The following GREB1L variants were observed in gnomAD, a reference collection of about 807,000 sequenced individuals.
The protein encoded by GREB1L is GREB1-like protein.
In GREB1L, 17 loss-of-function variants were observed where a neutral mutation model predicts 200.8. The observed-to-expected ratio is 0.08, with a 90% CI of 0.06 to 0.13. GREB1L has a LOEUF of 0.13. Ranked by LOEUF, GREB1L falls within the 10% of genes least tolerant of loss-of-function variation. The pLI, the probability that GREB1L is intolerant of heterozygous loss-of-function variation, is 1.00. For synonymous variants in GREB1L, 789 were observed against 893.0 expected, an observed-to-expected ratio of 0.88 and a Z score of 2.08; for missense variants, 1,657 against 2,367.7, an observed-to-expected ratio of 0.70 and a Z score of 6.23.
At chr18:21,415,526 CAAGG>C (rs1299164749) in intron 7 of GREB1L, among the ~76,000 whole-genome samples, 4 of 147,198 alleles carry the variant, frequency 2.7e-5, no homozygotes, top group African/African-American at 1.0e-4. Flanking sequence ...AGGAAGGACA[CAAGG>C]AAGGAAGGAA....
intron 1 of GREB1L, among the ~76,000 whole-genome samples, chr18:21,325,176 T>A (rs1009699075): frequency 1.3e-5 from 2 of 152,224 alleles, no homozygotes; most frequent in East Asian, 1.9e-4. Context: ...CCAAGTCTTA[T>A]CTAATTCTGT....
intron 7 of GREB1L, among the ~76,000 whole-genome samples, chr18:21,438,754 C>T (rs1251092625): frequency 6.6e-6 from 1 of 151,058 alleles, no homozygotes; most frequent in Admixed American, 6.6e-5. Context: ...GTCAGGAGAT[C>T]GAGACCATCC....
intron 4 of GREB1L, among the ~76,000 whole-genome samples, chr18:21,386,163 T>A (rs1376877516): frequency 3.9e-5 from 6 of 152,364 alleles, no homozygotes; most frequent in Middle Eastern, 3.4e-3. Context: ...AGTCCTACAC[T>A]TAGATTCCTG....
chr18:21,493,456 C>T (rs187218773), intron 19 of GREB1L, among the ~76,000 whole-genome samples: 4 of 152,294 alleles, frequency 2.6e-5, no homozygotes, highest in Non-Finnish European at 5.9e-5. Flanking sequence ...CACAGGAGAA[C>T]TGCAGCCATC....
chr18:21,395,776 C>T (rs1268165007), intron 5 of GREB1L, among the ~76,000 whole-genome samples: 1 of 150,764 alleles, frequency 6.6e-6, no homozygotes, highest in East Asian at 1.9e-4. Context: ...ATCGCCCAGG[C>T]TGGAGTGCAA....
chr18:21,386,880 T>A (rs865943053), intron 4 of GREB1L, among the ~76,000 whole-genome samples: 68 of 152,248 alleles, frequency 4.5e-4, no homozygotes, highest in African/African-American at 1.6e-3. Flanking sequence ...AGTTCTGAAA[T>A]TTTCCTTATG....
At chr18:21,426,135 C>A (rs1015277404) in intron 7 of GREB1L, among the ~76,000 whole-genome samples, 1 of 151,028 alleles carries the variant, frequency 6.6e-6, no homozygotes, top group African/African-American at 2.4e-5. Flanking sequence ...CGGCTCACTG[C>A]AACCTCTGTG....
chr18:21,453,129 T>G (rs565108650), intron 14 of GREB1L, among the ~76,000 whole-genome samples: 1 of 152,382 alleles, frequency 6.6e-6, no homozygotes, highest in Non-Finnish European at 1.5e-5. Flanking sequence ...GACTTACAGA[T>G]TCCGGAGTAC....
rs1465837157 is a variant in GREB1L, at chr18:21,524,463, A to G, written c.*1642A>G. The G allele has an allele frequency of 1.3e-5, 2 of 152,228 alleles. No individual in the cohort carries two copies. The highest frequency in any genetic ancestry group is 2.4e-5 in the African/African-American group (1 of 41,466). 9.4% of individuals were successfully genotyped at this position (152,228 alleles called of 1,614,324 possible). On this transcript the variant is annotated 3_prime_UTR_variant, in exon 33 of 33. Coordinates refer to ENST00000424526, the MANE Select transcript of GREB1L (RefSeq NM_001142966.3). Reference sequence around the variant, plus strand: ...TTAAAAAATACTCCTTAATTTTAGTACAGCAGAATTTTTGGTAAAGAGGTA... The same window carrying G: ...TTAAAAAATACTCCTTAATTTTAGTGCAGCAGAATTTTTGGTAAAGAGGTA...
At chr18:21,432,495 A>G (rs1483070342) in intron 7 of GREB1L, among the ~76,000 whole-genome samples, 1 of 151,586 alleles carries the variant, frequency 6.6e-6, no homozygotes, top group African/African-American at 2.4e-5. Context: ...CACCTGGTGT[A>G]AGATGTTGGT....
chr18:21,369,978 AAAG>A (rs2039814919), intron 2 of GREB1L, among the ~76,000 whole-genome samples: 4 of 152,084 alleles, frequency 2.6e-5, no homozygotes, highest in Middle Eastern at 3.4e-3. Flanking sequence ...AGAAAAGAAA[AAAG>A]AAATTCATCC....
At chr18:21,318,256 A>G (rs2038903120) in intron 1 of GREB1L, among the ~76,000 whole-genome samples, 1 of 152,188 alleles carries the variant, frequency 6.6e-6, no homozygotes, top group Admixed American at 6.5e-5. Context: ...ATGTCTAGAG[A>G]ATCTAAATCT....
intron 28 of GREB1L, among the ~76,000 whole-genome samples, chr18:21,514,933 A>G (rs543360535): frequency 1.3e-5 from 2 of 152,304 alleles, no homozygotes. Context: ...GAAGTCCGAC[A>G]CAATAAACCC....
chr18:21,354,984 G>C (rs1419140062), intron 1 of GREB1L, among the ~76,000 whole-genome samples: 1 of 152,148 alleles, frequency 6.6e-6, no homozygotes, highest in Non-Finnish European at 1.5e-5. Context: ...GAAGGTGCTA[G>C]AGAGGAGGCA....
At chr18:21,248,936 G>T (rs1301212340) in intron 1 of GREB1L, among the ~76,000 whole-genome samples, 2 of 151,628 alleles carry the variant, frequency 1.3e-5, no homozygotes, top group African/African-American at 4.9e-5. Flanking sequence ...TCTTTGATTT[G>T]GAAATTTCCC....
At chr18:21,337,309 T>C (rs2145107553) in intron 1 of GREB1L, among the ~76,000 whole-genome samples, 1 of 152,338 alleles carries the variant, frequency 6.6e-6, no homozygotes, top group Admixed American at 6.5e-5. Context: ...TGTTTTGATT[T>C]TTTTTTTATG....
intron 1 of GREB1L, among the ~76,000 whole-genome samples, chr18:21,338,331 T>G (rs2145120240): frequency 6.6e-6 from 1 of 152,360 alleles, no homozygotes. Context: ...AACACTGATC[T>G]AAAATTCTGA....
intron 1 of GREB1L, among the ~76,000 whole-genome samples, chr18:21,273,410 C>A (rs1292315234): frequency 6.6e-6 from 1 of 151,792 alleles, no homozygotes; most frequent in Non-Finnish European, 1.5e-5. Flanking sequence ...TTTGAGTGGC[C>A]TTATATTTCA....
intron 7 of GREB1L, among the ~76,000 whole-genome samples, chr18:21,405,658 G>C (rs2030111153): frequency 6.6e-6 from 1 of 152,078 alleles, no homozygotes; most frequent in Admixed American, 6.6e-5. Context: ...AAAATTAGCT[G>C]GGCATGGTGG....
Sources: gnomAD v4.1 joint callset for allele counts (sites outside exome capture counted in the v4.1 genomes callset) on GRCh38, gnomAD v4.1.1 for gene constraint, MANE v1.5 for transcripts, NCBI Gene and HGNC (gene_info 2026-07-23, HGNC 2026-07-21) for gene names.